PFKFB3: variants seen among roughly 807,000 people sequenced by gnomAD.
The protein encoded by PFKFB3 is 6-phosphofructo-2-kinase/fructose-2,6-bisphosphatase 3.
In PFKFB3, 33 loss-of-function variants were observed where a neutral mutation model predicts 68.0. The observed-to-expected ratio is 0.49, with a 90% CI of 0.37 to 0.65. PFKFB3 has a LOEUF of 0.65. PFKFB3 is among the 30% of genes least tolerant of loss of function. The pLI is 0.00. For synonymous variants in PFKFB3, 315 were observed against 288.2 expected, an observed-to-expected ratio of 1.09 and a Z score of -0.94; for missense variants, 586 against 712.2, an observed-to-expected ratio of 0.82 and a Z score of 2.02.
chr10:6,224,215 T>G lies in PFKFB3; in HGVS notation c.1341+2T>G. Reference sequence around the variant, plus strand: ...TGCACACACCGGGAGAGGTCAGAGGTGAGTGGAGGCCCCAAGCCTCATCCT... The same window carrying G: ...TGCACACACCGGGAGAGGTCAGAGGGGAGTGGAGGCCCCAAGCCTCATCCT... On this transcript the variant is annotated splice_donor_variant, in intron 13 of 14. Coordinates refer to ENST00000379775, the MANE Select transcript of PFKFB3 (RefSeq NM_004566.4). LOFTEE classifies it high-confidence loss of function. 1.2e-6 allele frequency: 2 copies of G among 1,613,506 alleles called. No individual in the cohort carries two copies. Among genetic ancestry groups the G allele is most frequent in the Non-Finnish European group, 1.7e-6 (2 of 1,179,806 alleles).
At chr10:6,189,106 TG>T (rs1842959483) in intron 1 of PFKFB3, among the ~76,000 whole-genome samples, 1 of 152,186 alleles carries the variant, frequency 6.6e-6, no homozygotes, top group South Asian at 2.1e-4. Context: ...CCCAAAGTGC[TG>T]GGATTACAGG....
chr10:6,168,019 A>G (rs926583449), intron 1 of PFKFB3, among the ~76,000 whole-genome samples: 2 of 152,216 alleles, frequency 1.3e-5, no homozygotes, highest in Admixed American at 6.5e-5. Flanking sequence ...GACAGATAGT[A>G]GCTCAGTTTG....
chr10:6,279,354 G>A, the PFKFB3 span, among the ~76,000 whole-genome samples: 1 of 152,134 alleles, frequency 6.6e-6, no homozygotes, highest in Non-Finnish European at 1.5e-5. Context: ...TAGAAATTTG[G>A]AAGGACTGAA....
chr10:6,299,306 A>G, the PFKFB3 span, among the ~76,000 whole-genome samples: 1 of 152,178 alleles, frequency 6.6e-6, no homozygotes, highest in Non-Finnish European at 1.5e-5. Flanking sequence ...AGAGGTAGGT[A>G]GGATTCTTCC....
At chr10:6,306,494 G>T in the PFKFB3 span, among the ~76,000 whole-genome samples, 3 of 152,240 alleles carry the variant, frequency 2.0e-5, no homozygotes, top group African/African-American at 7.2e-5. Context: ...TCACAATGTG[G>T]TGGATGGCCG....
chr10:6,287,955 G>A, the PFKFB3 span, among the ~76,000 whole-genome samples: 8 of 152,072 alleles, frequency 5.3e-5, no homozygotes, highest in African/African-American at 1.9e-4. Flanking sequence ...TTGCAAGGCA[G>A]TTCTATTGGA....
At chr10:6,149,020 A>G (rs1841491095) in intron 1 of PFKFB3, among the ~76,000 whole-genome samples, 1 of 152,210 alleles carries the variant, frequency 6.6e-6, no homozygotes, top group Non-Finnish European at 1.5e-5. Context: ...TCAAGGCTGC[A>G]GTGAGCTACG....
rs149303971 is a variant in PFKFB3 at position 6,242,931 on chromosome 10, A to G, written c.1516-11247A>G. Among the ~76,000 whole-genome samples, 1,031 of 152,324 alleles carry G rather than the reference A, an allele frequency of 6.8e-3. 9 individuals are homozygous for G. The highest frequency in any genetic ancestry group is 0.044 in the Middle Eastern group (13 of 294). ...AATTTACTTTATAGCAGATTCAGTT[A>G]CTGACCAGCCCAAAGGGGCTTGTCT... On this transcript the variant is annotated intron_variant, in intron 14 of 14. Transcript: ENST00000640683.
chr10:6,222,514 C>T (rs1163340977), intron 10 of PFKFB3, among the ~76,000 whole-genome samples: 7 of 152,218 alleles, frequency 4.6e-5, no homozygotes, highest in Non-Finnish European at 8.8e-5. Context: ...GCCTGCCCGG[C>T]CCAGCCCCGG....
At chr10:6,251,608 T>G (rs1290867666) in intron 14 of PFKFB3, among the ~76,000 whole-genome samples, 15 of 152,108 alleles carry the variant, frequency 9.9e-5, no homozygotes, top group Admixed American at 9.8e-4. Flanking sequence ...CAGGAAAAGT[T>G]AAATTTAGGA....
the PFKFB3 span, among the ~76,000 whole-genome samples, chr10:6,311,617 C>T: frequency 5.9e-5 from 9 of 151,940 alleles, no homozygotes; most frequent in Admixed American, 3.9e-4. Flanking sequence ...AGTGTGGTGG[C>T]GGGCGCCTGT....
At chr10:6,176,935 G>A (rs1842490598) in intron 1 of PFKFB3, among the ~76,000 whole-genome samples, 1 of 152,198 alleles carries the variant, frequency 6.6e-6, no homozygotes, top group South Asian at 2.1e-4. Flanking sequence ...ACTCACGAGT[G>A]AGTTCCGGAC....
chr10:6,206,341 A>G (rs1265436118), intron 1 of PFKFB3, among the ~76,000 whole-genome samples: 3 of 138,958 alleles, frequency 2.2e-5, no homozygotes, highest in Non-Finnish European at 3.1e-5. Flanking sequence ...AAAGTCTCCC[A>G]TGTCTACTTC....
At chr10:6,212,740 T>G (rs1844310493) in intron 1 of PFKFB3, among the ~76,000 whole-genome samples, 3 of 152,222 alleles carry the variant, frequency 2.0e-5, no homozygotes, top group Admixed American at 1.3e-4. Flanking sequence ...TCTCAAGTGA[T>G]CCTCTTGCCT....
chr10:6,238,140 A>G (rs1846062591), downstream of PFKFB3, among the ~76,000 whole-genome samples: 1 of 151,836 alleles, frequency 6.6e-6, no homozygotes. Context: ...TCCCTGAGAA[A>G]TGTCTTTGGA....
At chr10:6,326,633 C>T in the PFKFB3 span, 2 of 441,452 alleles carry the variant, frequency 4.5e-6, no homozygotes, top group East Asian at 1.5e-4. Flanking sequence ...TTTCTGGCTC[C>T]ATCCAAGAGG....
chr10:6,190,732 C>A (rs962956289), intron 1 of PFKFB3, among the ~76,000 whole-genome samples: 18 of 152,204 alleles, frequency 1.2e-4, no homozygotes, highest in African/African-American at 3.6e-4. Context: ...ATATCCACAT[C>A]ATCTTCCCAT....
the PFKFB3 span, among the ~76,000 whole-genome samples, chr10:6,303,172 G>A: frequency 6.6e-6 from 1 of 152,042 alleles, no homozygotes; most frequent in Non-Finnish European, 1.5e-5. Context: ...ATGATTTATG[G>A]ACTGCTCTAA....
At chr10:6,300,636 G>A in the PFKFB3 span, among the ~76,000 whole-genome samples, 4 of 152,160 alleles carry the variant, frequency 2.6e-5, no homozygotes, top group Non-Finnish European at 4.4e-5. Flanking sequence ...ACGATGTGTC[G>A]TGTCTCAAAG....
Sources: gnomAD v4.1 joint callset for allele counts (sites outside exome capture counted in the v4.1 genomes callset) on GRCh38, gnomAD v4.1.1 for gene constraint, MANE v1.5 for transcripts, NCBI Gene and HGNC (gene_info 2026-07-23, HGNC 2026-07-21) for gene names.